Variants in ADCY5 observed in about 807,000 individuals in gnomAD.
ADCY5 encodes adenylate cyclase 5, also known as adenylate cyclase type 5.
A neutral mutation model predicts 119.7 loss-of-function variants in ADCY5; 30 were observed. The observed-to-expected ratio is 0.25, with a 90% CI of 0.19 to 0.34. The LOEUF (loss-of-function observed/expected upper bound fraction) is 0.34. Ranked by LOEUF, ADCY5 falls within the 10% of genes least tolerant of loss-of-function variation. ADCY5 has a pLI of 1.00. For missense variants in ADCY5, 1,324 were observed against 1,775.2 expected (o/e 0.75, Z 4.57); for synonymous variants, 753 against 762.2 (o/e 0.99, Z 0.20).
chr3:123,284,847 A>G, intron 20 of ADCY5, 111 bp from the exon 21 acceptor site: 3 of 1,435,614 alleles, frequency 2.1e-6, no homozygotes, highest in Middle Eastern at 1.8e-4. Context: ...CCTGACACAG[A>G]AGGAGAGGGG....
rs754369625 is a variant in ADCY5 at position 123,291,293 on chromosome 3, G to A, written c.3147C>T (p.Ala1049=). ...GCCGCTCGCGGGCCAGGAAGTGAGC[G>A]GCCACGTCCTTGGGCAGGATGTTGT... The part of the protein sequence containing the change: ...LLHNILPKDV[A]AHFLARERRN... Residue 1049 remains alanine, a synonymous_variant, in exon 18 of 21, where the codon GCC becomes GCT. Transcript: ENST00000462833. The A allele has an allele frequency of 6.0e-5, 97 of 1,613,814 alleles. No homozygotes were observed. The highest frequency in any genetic ancestry group is 1.8e-4 in the East Asian group (8 of 44,892).
intron 1 of ADCY5, among the ~76,000 whole-genome samples, chr3:123,401,763 G>A (rs1036057182): frequency 6.6e-6 from 1 of 152,138 alleles, no homozygotes; most frequent in Non-Finnish European, 1.5e-5. Flanking sequence ...TGAGACCTCT[G>A]CTCAGAGGTA....
intron 18 of ADCY5, among the ~76,000 whole-genome samples, chr3:123,290,838 C>T (rs1939100699): frequency 6.6e-6 from 1 of 152,238 alleles, no homozygotes; most frequent in Non-Finnish European, 1.5e-5. Flanking sequence ...GAAACCCCAG[C>T]TCTGCCACTT....
intron 4 of ADCY5, 131 bp downstream of exon 4, chr3:123,332,433 C>T: frequency 1.4e-6 from 1 of 690,496 alleles, no homozygotes; most frequent in South Asian, 1.7e-5. Flanking sequence ...TGCCCATCAC[C>T]AGCAGGCTCT....
chr3:123,343,647 G>A (rs1942386530), intron 3 of ADCY5, among the ~76,000 whole-genome samples: 1 of 152,162 alleles, frequency 6.6e-6, no homozygotes, highest in Non-Finnish European at 1.5e-5. Context: ...AGCTCCAGGA[G>A]CTGTCCCTCC....
At chr3:123,291,794 T>C (rs1939171886) in intron 17 of ADCY5, among the ~76,000 whole-genome samples, 1 of 152,172 alleles carries the variant, frequency 6.6e-6, no homozygotes, top group Non-Finnish European at 1.5e-5. Flanking sequence ...CACTGTTCAT[T>C]GTCCTCTTAA....
At position 123,329,844 on chromosome 3, in the gene ADCY5, T is replaced by C. The variant is rs180699233; in HGVS notation, c.1647-1042A>G. 5.3e-5 allele frequency among the ~76,000 whole-genome samples: 8 copies of C among 152,296 alleles called. No homozygotes were observed. The East Asian group carries it at 1.5e-3, about 29-fold the overall frequency. On this transcript the variant is annotated intron_variant, in intron 5 of 20. Transcript: ENST00000462833. ...GGTAAATACCTCCACTGCAGCAGAA[T>C]ACCTTCACTGAAATACTTTCCATCC...
intron 16 of ADCY5, 72 bp from the exon 17 acceptor site, chr3:123,296,288 AC>A: frequency 1.4e-6 from 2 of 1,420,694 alleles, no homozygotes; most frequent in South Asian, 1.3e-5. Flanking sequence ...CCCCACCCCC[AC>A]CCACTGCTGG....
intron 1 of ADCY5, among the ~76,000 whole-genome samples, chr3:123,431,282 A>G (rs1945516628): frequency 6.6e-6 from 1 of 152,216 alleles, no homozygotes; most frequent in Non-Finnish European, 1.5e-5. Flanking sequence ...AGGTGTTTAT[A>G]CAATTTCTCC....
rs537957149 is a variant in ADCY5, at chr3:123,352,108, T to C, written c.1284+324A>G. On this transcript the variant is annotated intron_variant, in intron 2 of 20. Coordinates refer to ENST00000462833, the MANE Select transcript of ADCY5 (RefSeq NM_183357.3). This position sits in a 1 kb window ranked among gnomAD's most constrained non-coding sequence, Gnocchi z 4.8. Reference sequence around the variant, plus strand: ...GGCGGGGTGCAGTGCGGGGAGGGAGTGGTGAGCAGTGTGGGGAAGGAGTGG... The same window carrying C: ...GGCGGGGTGCAGTGCGGGGAGGGAGCGGTGAGCAGTGTGGGGAAGGAGTGG... Among the ~76,000 whole-genome samples, 5 of 151,060 alleles carry C rather than the reference T, an allele frequency of 3.3e-5. No individual in the cohort carries two copies. In the East Asian group the frequency reaches 9.7e-4, roughly 29 times the overall value.
intron 1 of ADCY5, among the ~76,000 whole-genome samples, chr3:123,392,756 C>T (rs1245990558): frequency 6.6e-6 from 1 of 152,172 alleles, no homozygotes; most frequent in African/African-American, 2.4e-5. Flanking sequence ...CTCTCTCTCT[C>T]CCTCCACCAC....
chr3:123,284,304 C>T lies in ADCY5; in HGVS notation c.*304G>A, dbSNP rs1938583303. 1 of 348,254 alleles carries T rather than the reference C, an allele frequency of 2.9e-6. No homozygotes were observed. The highest frequency in any genetic ancestry group is 4.1e-5 in the Admixed American group (1 of 24,470). The allele number at this position is 348,254 out of a possible 1,614,324, so 21.6% of individuals were successfully genotyped here. ...GTGCCACACACACATTCCCACGGCT[C>T]CTTTCCACCTGTGCAGCAGCACCTG... On this transcript the variant is annotated 3_prime_UTR_variant, in exon 21 of 21. Transcript: ENST00000462833.
intron 12 of ADCY5, among the ~76,000 whole-genome samples, chr3:123,305,282 C>T (rs1411815198): frequency 1.3e-5 from 2 of 152,202 alleles, no homozygotes; most frequent in Non-Finnish European, 2.9e-5. Flanking sequence ...CTTAAACTGC[C>T]AGACCACAAG....
At chr3:123,447,337 G>A (rs1945837124) in intron 1 of ADCY5, 75 bp downstream of exon 1, 4 of 1,380,956 alleles carry the variant, frequency 2.9e-6, no homozygotes, top group Non-Finnish European at 2.9e-6. Context: ...GGTGAGGGTG[G>A]GATCCCTTTC....
intron 11 of ADCY5, 111 bp downstream of exon 11, chr3:123,317,909 A>C: frequency 1.0e-6 from 1 of 973,212 alleles, no homozygotes; most frequent in South Asian, 1.5e-5. Context: ...TCCGTGCCTG[A>C]GCAAGTGCAG....
chr3:123,350,805 T>G (rs1942803767), intron 2 of ADCY5, among the ~76,000 whole-genome samples: 1 of 152,166 alleles, frequency 6.6e-6, no homozygotes, highest in African/African-American at 2.4e-5. Flanking sequence ...GCAAGGAAAC[T>G]GTGGCAAGCT....
chr3:123,353,731 G>A (rs1312825258), intron 1 of ADCY5, among the ~76,000 whole-genome samples: 1 of 152,180 alleles, frequency 6.6e-6, no homozygotes, highest in Non-Finnish European at 1.5e-5. Flanking sequence ...CTGCCTGGCA[G>A]TGGCCCTGGC....
At chr3:123,388,779 G>A (rs529265798) in intron 1 of ADCY5, among the ~76,000 whole-genome samples, 1 of 152,294 alleles carries the variant, frequency 6.6e-6, no homozygotes, top group South Asian at 2.1e-4. Context: ...TGGCAGCCAG[G>A]GGCCCCCAAT....
intron 1 of ADCY5, chr3:123,419,190 T>G (rs1270957865): frequency 1.0e-6 from 1 of 985,306 alleles, no homozygotes; most frequent in Non-Finnish European, 1.2e-6. Flanking sequence ...TCATCATGAT[T>G]CCAGGCCCTC....
Sources: allele counts gnomAD v4.1 joint callset (sites outside exome capture counted in the v4.1 genomes callset), GRCh38; gene constraint gnomAD v4.1.1; non-coding constraint Gnocchi (gnomAD v3.1); transcripts MANE v1.5; gene names NCBI Gene and HGNC (gene_info 2026-07-23, HGNC 2026-07-21).